ASB1: variants seen among roughly 807,000 people sequenced by gnomAD.
ASB1 encodes the protein ankyrin repeat and SOCS box protein 1.
ASB1 carries 18 observed loss-of-function variants against 27.7 expected under a neutral mutation model. That is an observed-to-expected ratio of 0.65 (90% CI 0.45 to 0.96). The LOEUF (loss-of-function observed/expected upper bound fraction) is 0.96. Among genes scored for constraint, ASB1 ranks in the 50% least tolerant of loss-of-function variants. ASB1 has a pLI of 0.00. For missense variants in ASB1, 397 were observed against 451.7 expected (o/e 0.88, Z 1.10); for synonymous variants, 189 against 187.6 (o/e 1.01, Z -0.06).
chr2:238,439,814 G>A (rs1012597340), intron 3 of ASB1, among the ~76,000 whole-genome samples: 1 of 152,134 alleles, frequency 6.6e-6, no homozygotes, highest in African/African-American at 2.4e-5. Context: ...ATTTGATTAA[G>A]GTGGTGCCTG....
chr2:238,433,633 T>C lies in ASB1; in HGVS notation c.129T>C (p.Asp43=). 4 of 1,614,152 alleles carry C rather than the reference T, an allele frequency of 2.5e-6. No homozygotes were observed. The highest frequency in any genetic ancestry group is 2.5e-6 in the Non-Finnish European group (3 of 1,180,010). ...ACTGTGAGGACACGAGGCTCCATGATGCAGCTTACGTCGGGGACCTCCAGA... is the reference window on the plus strand; with the variant it reads ...ACTGTGAGGACACGAGGCTCCATGACGCAGCTTACGTCGGGGACCTCCAGA... ...LEHCEDTRLH[D]AAYVGDLQTL... The change falls in exon 2 of 5, where the codon GAT becomes GAC. Residue 43 remains aspartate (D), a synonymous_variant. Transcript: ENST00000264607.
chr2:238,447,975 G>T lies in ASB1; in HGVS notation c.*1464G>T, dbSNP rs1702211770. ...GCTGACCCGTGTATGTGCAGATGCA[G>T]TTCCGAAGGGAAGAACAGTCCTCGG... On this transcript the variant is annotated 3_prime_UTR_variant, in exon 5 of 5. Coordinates refer to ENST00000264607, the MANE Select transcript of ASB1 (RefSeq NM_001040445.3). 1 of 152,332 alleles carries T rather than the reference G, an allele frequency of 6.6e-6. No homozygotes were observed. Among genetic ancestry groups the T allele is most frequent in the Non-Finnish European group, 1.5e-5 (1 of 68,104 alleles). The allele number at this position is 152,332 out of a possible 1,614,324, so 9.4% of individuals were successfully genotyped here.
At chr2:238,444,867 T>G (rs1331069011) in intron 4 of ASB1, 140 bp downstream of exon 4, 11 of 883,878 alleles carry the variant, frequency 1.2e-5, no homozygotes, top group African/African-American at 1.7e-5. Context: ...TTCCAGATGG[T>G]TGTTCAGATT....
intron 1 of ASB1, chr2:238,427,451 G>A (rs575105326): frequency 1.6e-5 from 4 of 246,442 alleles, no homozygotes; most frequent in African/African-American, 6.7e-5. Context: ...CCACCTTCCA[G>A]CTCTGAGCGC....
Position 238,446,831 on chromosome 2 carries a change from G to T in ASB1, c.*320G>T. On this transcript the variant is annotated 3_prime_UTR_variant, in exon 5 of 5. Coordinates refer to ENST00000264607, the MANE Select transcript of ASB1 (RefSeq NM_001040445.3). ...TGGAGGCCTACTAATTTCCCTGTAG[G>T]GAAGACTCCCAGCACTTCTGGAACT... 3.6e-6 allele frequency: 1 copy of T among 278,250 alleles called. No individual in the cohort carries two copies. The highest frequency in any genetic ancestry group is 6.8e-6 in the Non-Finnish European group (1 of 147,124). The allele number at this position is 278,250 out of a possible 1,614,324, so 17.2% of individuals were successfully genotyped here.
At chr2:238,428,759 C>T (rs1401853783) in intron 1 of ASB1, among the ~76,000 whole-genome samples, 1 of 152,150 alleles carries the variant, frequency 6.6e-6, no homozygotes, top group Non-Finnish European at 1.5e-5. Flanking sequence ...CTTGAAGTTG[C>T]TTTTGAATCT....
chr2:238,444,276 A>G lies in ASB1; in HGVS notation c.495-66A>G, dbSNP rs544411537. ...TCAGGGTGGCTGTGGGATTTGTTGG[A>G]TCTGTGGGATCTGTGGGCTGTGGTC... On this transcript the variant is annotated intron_variant, in intron 3 of 4. Coordinates refer to ENST00000264607, the MANE Select transcript of ASB1 (RefSeq NM_001040445.3). 3,191 of 1,527,172 alleles carry G rather than the reference A, an allele frequency of 2.1e-3. 11 individuals are homozygous for G. The highest frequency in any genetic ancestry group is 2.6e-3 in the Non-Finnish European group (2,904 of 1,131,114). The allele number at this position is 1,527,172 out of a possible 1,614,324, so 94.6% of individuals were successfully genotyped here.
intron 3 of ASB1, among the ~76,000 whole-genome samples, chr2:238,438,120 T>C (rs984591667): frequency 6.6e-6 from 1 of 151,852 alleles, no homozygotes; most frequent in Non-Finnish European, 1.5e-5. Flanking sequence ...GCCCTTTGGG[T>C]ATTTCAGTCA....
At chr2:238,441,757 G>A (rs2106408465) in intron 3 of ASB1, among the ~76,000 whole-genome samples, 2 of 152,384 alleles carry the variant, frequency 1.3e-5, no homozygotes, top group South Asian at 4.1e-4. Context: ...ACTGTCTCCA[G>A]CTGTTAGGGA....
At chr2:238,433,796 G>C (rs1701916684) in intron 2 of ASB1, 101 bp downstream of exon 2, 2 of 1,381,300 alleles carry the variant, frequency 1.4e-6, no homozygotes, top group Non-Finnish European at 2.0e-6. Context: ...CTTGATGTTG[G>C]GAGGAATGTG....
At chr2:238,445,153 G>T (rs781507285) in intron 4 of ASB1, among the ~76,000 whole-genome samples, 1 of 151,684 alleles carries the variant, frequency 6.6e-6, no homozygotes, top group Non-Finnish European at 1.5e-5. Context: ...TAATTTTTGG[G>T]TTTTTTGTAG....
At chr2:238,431,985 C>T (rs531946732) in intron 1 of ASB1, among the ~76,000 whole-genome samples, 1 of 152,288 alleles carries the variant, frequency 6.6e-6, no homozygotes, top group South Asian at 2.1e-4. Flanking sequence ...ACAAATAGCT[C>T]CAAAAGACTT....
chr2:238,437,574 C>G (rs75956894), intron 3 of ASB1, among the ~76,000 whole-genome samples: 2 of 138,216 alleles, frequency 1.4e-5, no homozygotes, highest in Admixed American at 7.4e-5. Context: ...TTTTTTTTTT[C>G]TTTTTCAACC....
intron 1 of ASB1, among the ~76,000 whole-genome samples, chr2:238,431,061 C>T (rs897742243): frequency 6.6e-5 from 10 of 152,270 alleles, no homozygotes; most frequent in South Asian, 2.1e-4. Context: ...AGCTTTGACG[C>T]TAGGCATTGC....
intron 1 of ASB1, among the ~76,000 whole-genome samples, chr2:238,430,140 G>A (rs992201346): frequency 2.0e-5 from 3 of 152,194 alleles, no homozygotes; most frequent in Non-Finnish European, 4.4e-5. Flanking sequence ...AGATGACAGT[G>A]AAGTTTGCCA....
Position 238,450,636 on chromosome 2 carries a change from C to T in ASB1, c.*4125C>T, listed in dbSNP as rs888947337. 2 of 152,218 alleles carry T rather than the reference C, an allele frequency of 1.3e-5. No individual in the cohort carries two copies. The highest frequency in any genetic ancestry group is 6.5e-5 in the Admixed American group (1 of 15,282). The allele number at this position is 152,218 out of a possible 1,614,324, so 9.4% of individuals were successfully genotyped here. A position where few individuals can be genotyped will look rare whatever the true frequency, so the allele number is the denominator to read the frequency against. On this transcript the variant is annotated 3_prime_UTR_variant, in exon 5 of 5. Transcript: ENST00000264607. ...CATTTCTGCTGCTCATGGCCAAGAA[C>T]GAGTCTGGAGATCGCTGCGTGCGGT...
chr2:238,438,199 A>ATTTTTTTTTTTTTTT (rs57391955), intron 3 of ASB1, among the ~76,000 whole-genome samples: 18 of 98,204 alleles, frequency 1.8e-4, no homozygotes, highest in Non-Finnish European at 2.8e-4. Context: ...GATGCCCTTC[A>ATTTTTTTTTTTTTTT]TTTTTTTTTT....
rs1354652911 is a variant in ASB1, at chr2:238,446,853, A to G, written c.*342A>G. On this transcript the variant is annotated 3_prime_UTR_variant, in exon 5 of 5. Coordinates refer to ENST00000264607, the MANE Select transcript of ASB1 (RefSeq NM_001040445.3). ...TAGGGAAGACTCCCAGCACTTCTGGAACTGTGCTTCTCTTTATTTTTCTAC... is the reference window on the plus strand; with the variant it reads ...TAGGGAAGACTCCCAGCACTTCTGGGACTGTGCTTCTCTTTATTTTTCTAC... The G allele has an allele frequency of 4.3e-6, 1 of 233,442 alleles. No homozygotes were observed. Among genetic ancestry groups the G allele is most frequent in the African/African-American group, 2.3e-5 (1 of 43,126 alleles). 14.5% of individuals were successfully genotyped at this position (233,442 alleles called of 1,614,324 possible).
intron 3 of ASB1, among the ~76,000 whole-genome samples, chr2:238,440,721 G>A (rs3769124): frequency 0.093 from 14,149 of 152,030 alleles, 758 homozygotes; most frequent in Non-Finnish European, 0.12. Context: ...ATAGAGAGCC[G>A]TATATTTGGT....
Sources: gnomAD v4.1 joint callset for allele counts (sites outside exome capture counted in the v4.1 genomes callset) on GRCh38, gnomAD v4.1.1 for gene constraint, MANE v1.5 for transcripts, NCBI Gene and HGNC (gene_info 2026-07-23, HGNC 2026-07-21) for gene names.